SPTBN2: variants seen among roughly 807,000 people sequenced by gnomAD.
SPTBN2 encodes the protein spectrin beta chain, non-erythrocytic 2.
A neutral mutation model predicts 284.2 loss-of-function variants in SPTBN2; 107 were observed. The ratio of observed to expected loss-of-function variants is 0.38; its 90% CI spans 0.32 to 0.44. The LOEUF (loss-of-function observed/expected upper bound fraction) is 0.44, where lower values mean the gene tolerates loss of function less well. Ranked by LOEUF, SPTBN2 falls within the 20% of genes least tolerant of loss-of-function variation. The pLI, the probability that SPTBN2 is intolerant of heterozygous loss-of-function variation, is 1.00. For synonymous variants in SPTBN2, 1,289 were observed against 1,354.8 expected, an observed-to-expected ratio of 0.95 and a Z score of 1.07; for missense variants, 2,569 against 3,287.1, an observed-to-expected ratio of 0.78 and a Z score of 5.34.
At chr11:66,689,982 G>A (rs1486779551) in intron 28 of SPTBN2, 39 bp from the exon 29 acceptor site, 1 of 1,614,146 alleles carries the variant, frequency 6.2e-7, no homozygotes, top group African/African-American at 1.3e-5. Flanking sequence ...GCTGCCCACA[G>A]CCCCATCACA....
chr11:66,734,397 C>A (rs551292659), intron 1 of SPTBN2, among the ~76,000 whole-genome samples: 7 of 152,296 alleles, frequency 4.6e-5, no homozygotes, highest in African/African-American at 1.4e-4. Flanking sequence ...AGTTTGCACA[C>A]CCTGCTTACC....
At chr11:66,725,319 A>G (rs1942576657) in intron 1 of SPTBN2, among the ~76,000 whole-genome samples, 1 of 152,180 alleles carries the variant, frequency 6.6e-6, no homozygotes. Flanking sequence ...CTTGGTTTCC[A>G]AGCATTCTGG....
rs1941466350 is a variant in SPTBN2 at position 66,705,190 on chromosome 11, G to T, written c.2086C>A (p.Pro696Thr). Reference sequence around the variant, plus strand: ...CCCTGCTCCAGGGTGAGCTTCAGGGGCCCCAGCCGGCCGCTCATCTCGCCC... The same window carrying T: ...CCCTGCTCCAGGGTGAGCTTCAGGGTCCCCAGCCGGCCGCTCATCTCGCCC... ...LRGEMSGRLG[P>T]LKLTLEQGQQ... The change falls in exon 15 of 38, where the codon CCC (proline) becomes ACC (threonine). Residue 696 changes from proline to threonine, a missense_variant. Physicochemically the swap from Pro to Thr is conservative, Grantham distance 38. Coordinates refer to ENST00000533211, the MANE Select transcript of SPTBN2 (RefSeq NM_006946.4). The T allele has an allele frequency of 8.5e-6, 13 of 1,534,682 alleles. No individual in the cohort carries two copies. The highest frequency in any genetic ancestry group is 1.1e-5 in the Non-Finnish European group (13 of 1,143,122).
rs1941654378 is a variant in SPTBN2 at position 66,707,953 on chromosome 11, C to A, written c.1351-135G>T. On this transcript the variant is annotated intron_variant, in intron 12 of 37. Transcript: ENST00000533211. This position sits in a 1 kb window ranked among gnomAD's most constrained non-coding sequence, Gnocchi z 4.9. ...CTCTAAGTTCCCTCTCTATCCCACC[C>A]CCATCCTGTCTCACCAACCCTCTCT... The A allele has an allele frequency of 3.6e-6, 5 of 1,381,592 alleles. No individual in the cohort carries two copies. Among genetic ancestry groups the A allele is most frequent in the Admixed American group, 2.0e-5 (1 of 49,842 alleles). The allele number at this position is 1,381,592 out of a possible 1,614,324, so 85.6% of individuals were successfully genotyped here.
chr11:66,696,599 A>T (rs1940929061), intron 20 of SPTBN2, 59 bp from the exon 21 acceptor site: 7 of 1,602,598 alleles, frequency 4.4e-6, no homozygotes, highest in Non-Finnish European at 5.9e-6. Flanking sequence ...TTAGAGGCTG[A>T]GAGCAGACCA....
At position 66,718,140 on chromosome 11, in the gene SPTBN2, A is replaced by C. The variant is rs1249763777; in HGVS notation, c.158-2159T>G. ...CGCCTCCCCAGGTGCTGGCACCCCC[A>C]CGCCCTCCATGGCTAGTTGCCTTTG... is the stretch of plus-strand genomic sequence containing the variant. On this transcript the variant is annotated intron_variant, in intron 3 of 37. Transcript: ENST00000533211. This position sits in a 1 kb window ranked among gnomAD's most constrained non-coding sequence, Gnocchi z 4.8. Among the ~76,000 whole-genome samples, 1 of 151,842 alleles carries C rather than the reference A, an allele frequency of 6.6e-6. No homozygotes were observed. Among genetic ancestry groups the C allele is most frequent in the South Asian group, 2.1e-4 (1 of 4,808 alleles).
chr11:66,711,208 T>C (rs566284543), intron 8 of SPTBN2, among the ~76,000 whole-genome samples, 179 bp from the exon 9 acceptor site: 1 of 152,274 alleles, frequency 6.6e-6, no homozygotes, highest in South Asian at 2.1e-4. Flanking sequence ...CATCTTTTTT[T>C]CCCCTTCTCC....
upstream of SPTBN2, among the ~76,000 whole-genome samples, chr11:66,731,448 G>A (rs978419169): frequency 6.6e-6 from 1 of 152,196 alleles, no homozygotes; most frequent in African/African-American, 2.4e-5. Context: ...AAGATTCATG[G>A]AAAGGTTTTG....
At position 66,707,289 on chromosome 11, in the gene SPTBN2, CTT is replaced by C. The variant is rs1006356903; in HGVS notation, c.1653+225_1653+226del. On this transcript the variant is annotated intron_variant, in intron 13 of 37. Coordinates refer to ENST00000533211, the MANE Select transcript of SPTBN2 (RefSeq NM_006946.4). This position sits in a 1 kb window ranked among gnomAD's most constrained non-coding sequence, Gnocchi z 4.9. ...CATCAGTGGTTTTATGGCCCCTGCT[CTT>C]TTGTTTACGGAAAGGTCCGTGGGTT... Among the ~76,000 whole-genome samples, 1 of 152,240 alleles carries C rather than the reference CTT, an allele frequency of 6.6e-6. No homozygotes were observed. The highest frequency in any genetic ancestry group is 1.5e-5 in the Non-Finnish European group (1 of 68,042).
upstream of SPTBN2, chr11:66,729,304 G>C (rs1440058367): frequency 6.6e-6 from 1 of 152,254 alleles, no homozygotes; most frequent in African/African-American, 2.4e-5. Context: ...CTCCAGCTCT[G>C]AGAAGTAGGT....
At position 66,709,240 on chromosome 11, in the gene SPTBN2, C is replaced by T. The variant is rs574772152; in HGVS notation, c.1074-221G>A. Among the ~76,000 whole-genome samples the T allele has an allele frequency of 1.4e-4, 21 of 152,216 alleles. No homozygotes were observed. In the East Asian group the frequency reaches 3.5e-3, roughly 25 times the overall value. ...TCACCCAGGCTGGAGTGCAGTGGTG[C>T]GATCTGGGTTCGCTGCAACCTCTGC... On this transcript the variant is annotated intron_variant, in intron 10 of 37. Coordinates refer to ENST00000533211, the MANE Select transcript of SPTBN2 (RefSeq NM_006946.4).
At position 66,710,465 on chromosome 11, in the gene SPTBN2, G is replaced by A; in HGVS notation, c.1073+117C>T. 9.8e-7 allele frequency: 1 copy of A among 1,020,798 alleles called. No homozygotes were observed. Among genetic ancestry groups the A allele is most frequent in the South Asian group, 1.4e-5 (1 of 69,484 alleles). The allele number at this position is 1,020,798 out of a possible 1,614,324, so 63.2% of individuals were successfully genotyped here. The stretch of plus-strand genomic sequence containing the variant: ...ATGTTGTTTGGATGCTTCTGGTGTG[G>A]GAAATCTCCACTGCATTTATGTACT... On this transcript the variant is annotated intron_variant, in intron 10 of 37. Transcript: ENST00000533211. This position sits in a 1 kb window ranked among gnomAD's most constrained non-coding sequence, Gnocchi z 4.9.
Position 66,685,055 on chromosome 11 carries a change from T to C in SPTBN2, c.*816A>G, listed in dbSNP as rs577366854. Among the ~76,000 whole-genome samples, 34 of 152,286 alleles carry C rather than the reference T, an allele frequency of 2.2e-4. 1 individual carries two copies. The South Asian group carries it at 5.6e-3, about 25-fold the overall frequency. On this transcript the variant is annotated 3_prime_UTR_variant, in exon 38 of 38. Coordinates refer to ENST00000533211, the MANE Select transcript of SPTBN2 (RefSeq NM_006946.4). This position sits in a 1 kb window ranked among gnomAD's most constrained non-coding sequence, Gnocchi z 4.4. ...CTTTGGTTTAAAAAGAGGCTTGGCA[T>C]TGGTCAACCCAGCACACTGGAGGTC...
Position 66,721,334 on chromosome 11 carries a change from T to C in SPTBN2, c.-23+16A>G, listed in dbSNP as rs1942394064. ...CCCTCCACTCACCACCGGGGCCTTC[T>C]GTCTTCTTGCCCTACCTGTGCTCCG... On this transcript the variant is annotated intron_variant, in intron 2 of 37. Coordinates refer to ENST00000533211, the MANE Select transcript of SPTBN2 (RefSeq NM_006946.4). The C allele has an allele frequency of 3.3e-6, 5 of 1,529,924 alleles. No homozygotes were observed. Among genetic ancestry groups the C allele is most frequent in the Middle Eastern group, 2.2e-4 (1 of 4,648 alleles). The allele number at this position is 1,529,924 out of a possible 1,614,324, so 94.8% of individuals were successfully genotyped here. A position where few individuals can be genotyped will look rare whatever the true frequency, so the allele number is the denominator to read the frequency against.
rs1940676397 is a variant in SPTBN2 at position 66,693,133 on chromosome 11, G to A, written c.4855-33C>T. The A allele has an allele frequency of 8.7e-6, 14 of 1,614,236 alleles. No homozygotes were observed. The highest frequency in any genetic ancestry group is 1.2e-5 in the Non-Finnish European group (14 of 1,180,042). ...AAGGGACAGTGGCATCCAGCATCAG[G>A]TCAGGGGAGGGCAGAACTGGTCACA... is the stretch of plus-strand genomic sequence containing the variant. On this transcript the variant is annotated intron_variant, in intron 24 of 37. Transcript: ENST00000533211. The surrounding 1 kb of genome is among the most constrained non-coding windows in gnomAD (Gnocchi z 5.7).
chr11:66,699,200 A>G lies in SPTBN2; in HGVS notation c.3777-118T>C, dbSNP rs796732961. 5.0e-5 allele frequency: 68 copies of G among 1,366,816 alleles called. No individual in the cohort carries two copies. The African/African-American group carries it at 8.2e-4, about 16-fold the overall frequency. 84.7% of individuals were successfully genotyped at this position (1,366,816 alleles called of 1,614,324 possible). A position where few individuals can be genotyped will look rare whatever the true frequency, so the allele number is the denominator to read the frequency against. On this transcript the variant is annotated intron_variant, in intron 18 of 37. Coordinates refer to ENST00000533211, the MANE Select transcript of SPTBN2 (RefSeq NM_006946.4). ...AATAACGCCTTCCGGGAGCACAATG[A>G]GGCTACCCAGGAATCCTGACTTCCT...
At position 66,718,141 on chromosome 11, in the gene SPTBN2, C is replaced by T. The variant is rs963585032; in HGVS notation, c.158-2160G>A. On this transcript the variant is annotated intron_variant, in intron 3 of 37. Transcript: ENST00000533211. The surrounding 1 kb of genome is among the most constrained non-coding windows in gnomAD (Gnocchi z 4.8). ...GCCTCCCCAGGTGCTGGCACCCCCA[C>T]GCCCTCCATGGCTAGTTGCCTTTGC... 6.6e-6 allele frequency among the ~76,000 whole-genome samples: 1 copy of T among 152,334 alleles called. No homozygotes were observed. The highest frequency in any genetic ancestry group is 1.9e-4 in the East Asian group (1 of 5,170).
intron 26 of SPTBN2, 91 bp downstream of exon 26, chr11:66,692,445 A>T: frequency 6.7e-7 from 1 of 1,492,750 alleles, no homozygotes; most frequent in Non-Finnish European, 9.2e-7. Flanking sequence ...TTAGCCCCTC[A>T]GTGCTCTGCC....
At chr11:66,744,028 T>G (rs2135619625) in intron 1 of SPTBN2, among the ~76,000 whole-genome samples, 1 of 151,972 alleles carries the variant, frequency 6.6e-6, no homozygotes, top group East Asian at 1.9e-4. Flanking sequence ...GCCCGGCTAA[T>G]TTTTGTATTT....
Sources: allele counts gnomAD v4.1 joint callset (sites outside exome capture counted in the v4.1 genomes callset), GRCh38; gene constraint gnomAD v4.1.1; non-coding constraint Gnocchi (gnomAD v3.1); transcripts MANE v1.5; gene names NCBI Gene and HGNC (gene_info 2026-07-23, HGNC 2026-07-21).